Variants in ARID4B observed in about 807,000 individuals in gnomAD.
ARID4B encodes AT-rich interactive domain-containing protein 4B.
In ARID4B, 26 loss-of-function variants were observed where a neutral mutation model predicts 147.5. The ratio of observed to expected loss-of-function variants is 0.18; its 90% CI spans 0.13 to 0.24. The LOEUF (loss-of-function observed/expected upper bound fraction) is 0.24, where lower values mean the gene tolerates loss of function less well. Ranked by LOEUF, ARID4B falls within the 10% of genes least tolerant of loss-of-function variation. The pLI, the probability that ARID4B is intolerant of heterozygous loss-of-function variation, is 1.00. For synonymous variants in ARID4B, 512 were observed against 507.9 expected (o/e 1.01, Z -0.11); for missense variants, 1,179 against 1,511.5 (o/e 0.78, Z 3.65).
intron 19 of ARID4B, chr1:235,187,126 G>A (rs1180743679): frequency 2.9e-6 from 1 of 344,072 alleles, no homozygotes; most frequent in African/African-American, 2.5e-5. Context: ...CTGTTACCCA[G>A]GCTGGAGCGC....
intron 19 of ARID4B, among the ~76,000 whole-genome samples, chr1:235,189,229 T>C (rs1441775444): frequency 1.3e-5 from 2 of 151,440 alleles, no homozygotes; most frequent in African/African-American, 4.8e-5. Context: ...TGAAACCCCA[T>C]CTCTACTAAA....
rs564181440 is a variant in ARID4B, at chr1:235,169,389, C to T, written c.3812-737G>A. 2.7e-5 allele frequency among the ~76,000 whole-genome samples: 4 copies of T among 150,922 alleles called. No individual in the cohort carries two copies. In the South Asian group the frequency reaches 8.4e-4, roughly 32 times the overall value. ...CCCAGTAGCTGGGACTATAAGCGCCCGCCACCACGCCCGGCTAATTTTTTT... is the reference window on the plus strand; with the variant it reads ...CCCAGTAGCTGGGACTATAAGCGCCTGCCACCACGCCCGGCTAATTTTTTT... On this transcript the variant is annotated intron_variant, in intron 23 of 23. Transcript: ENST00000264183.
intron 2 of ARID4B, 122 bp downstream of exon 2, chr1:235,326,792 A>T (rs1675303629): frequency 7.7e-7 from 1 of 1,303,844 alleles, no homozygotes; most frequent in Admixed American, 1.7e-5. Context: ...GGGCTCGGTC[A>T]CCAAGTCACC....
At chr1:235,196,648 T>A (rs1307375594) in intron 17 of ARID4B, among the ~76,000 whole-genome samples, 1 of 151,862 alleles carries the variant, frequency 6.6e-6, no homozygotes, top group Non-Finnish European at 1.5e-5. Flanking sequence ...AGTCAGGAGA[T>A]CAAGACCATC....
intron 2 of ARID4B, among the ~76,000 whole-genome samples, chr1:235,316,827 A>G (rs1026182067): frequency 6.6e-6 from 1 of 152,094 alleles, no homozygotes; most frequent in Non-Finnish European, 1.5e-5. Flanking sequence ...TCAAACAACC[A>G]AACAAAAAAA....
At chr1:235,222,163 T>C (rs1483977914) in intron 13 of ARID4B, among the ~76,000 whole-genome samples, 2 of 151,984 alleles carry the variant, frequency 1.3e-5, no homozygotes, top group Non-Finnish European at 2.9e-5. Context: ...CCCCTGGCCT[T>C]AGCCTCCCAA....
intron 8 of ARID4B, among the ~76,000 whole-genome samples, chr1:235,234,992 C>T (rs1225791804): frequency 1.3e-5 from 2 of 152,134 alleles, no homozygotes; most frequent in Admixed American, 6.6e-5. Context: ...AAATGGACCA[C>T]GCAGAGGCAA....
chr1:235,324,707 C>T (rs1004637988), intron 2 of ARID4B, among the ~76,000 whole-genome samples: 2 of 152,142 alleles, frequency 1.3e-5, no homozygotes, highest in South Asian at 2.1e-4. Context: ...GAGGCTAAGG[C>T]GGGAGAGTCA....
chr1:235,214,157 T>C (rs1283620128), intron 16 of ARID4B, 131 bp from the exon 17 acceptor site: 2 of 1,109,696 alleles, frequency 1.8e-6, no homozygotes, highest in Non-Finnish European at 2.5e-6. Flanking sequence ...TGTATGAAAT[T>C]CTCAGAGTTT....
chr1:235,187,094 T>C (rs1664742795), intron 19 of ARID4B: 1 of 391,038 alleles, frequency 2.6e-6, no homozygotes, highest in South Asian at 1.9e-5. Context: ...TTTTTTTTTT[T>C]TTTGTAGACG....
intron 16 of ARID4B, among the ~76,000 whole-genome samples, chr1:235,218,566 T>C (rs1274436164): frequency 4.6e-5 from 7 of 152,074 alleles, no homozygotes; most frequent in African/African-American, 1.7e-4. Context: ...CAACAAACAC[T>C]TTTACTACAT....
intron 2 of ARID4B, among the ~76,000 whole-genome samples, chr1:235,273,253 A>G (rs557881705): frequency 6.6e-6 from 1 of 152,336 alleles, no homozygotes; most frequent in Admixed American, 6.5e-5. Context: ...CATGTTGGCC[A>G]GGCTGGTCTC....
intron 2 of ARID4B, among the ~76,000 whole-genome samples, chr1:235,309,584 G>A (rs1376494660): frequency 5.4e-5 from 8 of 147,730 alleles, no homozygotes; most frequent in Admixed American, 1.3e-4. Context: ...CAGCCGCCCC[G>A]TCCGGGAGGT....
chr1:235,314,737 T>C (rs1674311147), intron 2 of ARID4B, among the ~76,000 whole-genome samples: 1 of 152,108 alleles, frequency 6.6e-6, no homozygotes, highest in African/African-American at 2.4e-5. Context: ...TCTTAAATGA[T>C]ATATAACAAT....
At chr1:235,250,365 T>C (rs1191516874) in intron 6 of ARID4B, among the ~76,000 whole-genome samples, 2 of 152,134 alleles carry the variant, frequency 1.3e-5, no homozygotes, top group Admixed American at 1.3e-4. Flanking sequence ...TAAAACAATA[T>C]GAAAAATACC....
At chr1:235,234,575 G>C in intron 8 of ARID4B, 83 bp from the exon 9 acceptor site, 1 of 992,298 alleles carries the variant, frequency 1.0e-6, no homozygotes, top group Non-Finnish European at 1.5e-6. Flanking sequence ...CTTTTAAAAA[G>C]TGTAAGCTTG....
intron 2 of ARID4B, among the ~76,000 whole-genome samples, chr1:235,303,986 T>C (rs1012908835): frequency 6.6e-6 from 1 of 152,216 alleles, no homozygotes; most frequent in South Asian, 2.1e-4. Context: ...TGCATCATCA[T>C]ATTTAATAAC....
intron 8 of ARID4B, among the ~76,000 whole-genome samples, chr1:235,235,917 A>AGTTC (rs1431588625): frequency 1.3e-5 from 2 of 151,674 alleles, no homozygotes; most frequent in Non-Finnish European, 2.9e-5. Context: ...AGTTCCTGGG[A>AGTTC]CTATGTAGTT....
At chr1:235,231,740 A>G (rs1668250149) in intron 9 of ARID4B, among the ~76,000 whole-genome samples, 2 of 152,190 alleles carry the variant, frequency 1.3e-5, no homozygotes, top group Non-Finnish European at 1.5e-5. Flanking sequence ...CACCCACCTC[A>G]GTCTCCCAAA....
Sources: gnomAD v4.1 joint callset for allele counts (sites outside exome capture counted in the v4.1 genomes callset) on GRCh38, gnomAD v4.1.1 for gene constraint, MANE v1.5 for transcripts, NCBI Gene and HGNC (gene_info 2026-07-23, HGNC 2026-07-21) for gene names.